The following MLLT3 variants were observed in gnomAD, a reference collection of about 807,000 sequenced individuals.
The protein encoded by MLLT3 is MLLT3 super elongation complex subunit, also known as protein AF-9.
MLLT3 carries 4 observed loss-of-function variants against 53.2 expected under a neutral mutation model. That is an observed-to-expected ratio of 0.08 (90% CI 0.04 to 0.17). The LOEUF (loss-of-function observed/expected upper bound fraction) is 0.17. Among genes scored for constraint, MLLT3 ranks in the 10% least tolerant of loss-of-function variants. The probability of loss-of-function intolerance (pLI) is 1.00; values close to 1 mark genes in which losing one functional copy is unlikely to be tolerated. For missense variants in MLLT3, 569 were observed against 684.0 expected (o/e 0.83, Z 1.87); for synonymous variants, 283 against 230.6 (o/e 1.23, Z -2.06).
At chr9:20,618,688 C>T (rs576226205) in intron 2 of MLLT3, among the ~76,000 whole-genome samples, 1 of 152,206 alleles carries the variant, frequency 6.6e-6, no homozygotes. Flanking sequence ...CAGCTTACCA[C>T]GCCTAGCAAC....
intron 2 of MLLT3, among the ~76,000 whole-genome samples, chr9:20,580,897 C>T (rs1819775184): frequency 2.0e-5 from 3 of 152,316 alleles, no homozygotes; most frequent in Admixed American, 1.3e-4. Context: ...CCTGCCTAAC[C>T]ACCTGAACAG....
At chr9:20,349,911 C>T (rs900328459) in intron 10 of MLLT3, among the ~76,000 whole-genome samples, 2 of 152,194 alleles carry the variant, frequency 1.3e-5, no homozygotes, top group Non-Finnish European at 2.9e-5. Flanking sequence ...TGCAGAGAAA[C>T]AGCCTTAAAG....
intron 2 of MLLT3, among the ~76,000 whole-genome samples, chr9:20,478,815 A>C (rs1246424499): frequency 1.3e-5 from 2 of 152,130 alleles, no homozygotes; most frequent in African/African-American, 4.8e-5. Context: ...ATGTATAAGA[A>C]ATCACCTGGA....
At chr9:20,543,437 G>C (rs1319781066) in intron 2 of MLLT3, among the ~76,000 whole-genome samples, 1 of 152,128 alleles carries the variant, frequency 6.6e-6, no homozygotes, top group African/African-American at 2.4e-5. Context: ...AGTTACAATA[G>C]TATCTTCAAA....
intron 2 of MLLT3, among the ~76,000 whole-genome samples, chr9:20,521,342 A>G: frequency 6.6e-6 from 1 of 152,116 alleles, no homozygotes; most frequent in Non-Finnish European, 1.5e-5. Flanking sequence ...AAGTGATGGG[A>G]TTACAGGCAT....
chr9:20,545,935 T>A (rs749299615), intron 2 of MLLT3, among the ~76,000 whole-genome samples: 1 of 151,850 alleles, frequency 6.6e-6, no homozygotes, highest in Admixed American at 6.6e-5. Context: ...GAAGGATCAC[T>A]TGAGCTCAAG....
intron 2 of MLLT3, among the ~76,000 whole-genome samples, chr9:20,614,857 G>C (rs1447219300): frequency 6.6e-6 from 1 of 152,110 alleles, no homozygotes; most frequent in Non-Finnish European, 1.5e-5. Context: ...GGCCAAGGTT[G>C]GTCCATGGAA....
At chr9:20,613,243 T>C (rs903553331) in intron 2 of MLLT3, among the ~76,000 whole-genome samples, 2 of 152,172 alleles carry the variant, frequency 1.3e-5, no homozygotes, top group Non-Finnish European at 2.9e-5. Flanking sequence ...ATGAATATAC[T>C]AAAAACCACA....
chr9:20,400,820 C>T (rs984245112), intron 5 of MLLT3, among the ~76,000 whole-genome samples: 11 of 151,966 alleles, frequency 7.2e-5, no homozygotes, highest in African/African-American at 2.4e-4. Context: ...TTTCATTAAA[C>T]TGCCAATTGT....
intron 5 of MLLT3, among the ~76,000 whole-genome samples, chr9:20,376,085 T>C (rs1362240260): frequency 6.6e-6 from 1 of 152,166 alleles, no homozygotes; most frequent in Non-Finnish European, 1.5e-5. Flanking sequence ...AATCCCATAA[T>C]ATCCAAGAAA....
intron 2 of MLLT3, among the ~76,000 whole-genome samples, chr9:20,563,922 T>C (rs1259767483): frequency 6.6e-6 from 1 of 152,136 alleles, no homozygotes; most frequent in Non-Finnish European, 1.5e-5. Flanking sequence ...AAGATGACTT[T>C]TAAAAATAAA....
intron 2 of MLLT3, among the ~76,000 whole-genome samples, chr9:20,489,206 T>C (rs1474535888): frequency 1.3e-5 from 2 of 152,190 alleles, no homozygotes; most frequent in African/African-American, 4.8e-5. Context: ...GTCAATGGAA[T>C]AGAAAGAATA....
At chr9:20,455,775 A>C (rs1025148690) in intron 3 of MLLT3, among the ~76,000 whole-genome samples, 2 of 152,134 alleles carry the variant, frequency 1.3e-5, no homozygotes, top group African/African-American at 4.8e-5. Flanking sequence ...ACTTTGCATA[A>C]GTTTATTTTA....
intron 2 of MLLT3, among the ~76,000 whole-genome samples, chr9:20,615,651 T>C (rs1820814132): frequency 6.6e-6 from 1 of 151,856 alleles, no homozygotes. Flanking sequence ...TCTCGGAGTG[T>C]AGAGTTAGGA....
intron 2 of MLLT3, among the ~76,000 whole-genome samples, chr9:20,544,584 T>C (rs7847550): frequency 0.2 from 29,759 of 152,084 alleles, 2,984 homozygotes; most frequent in Middle Eastern, 0.24. Flanking sequence ...CAGAAAATAA[T>C]AGGTGTTGAC....
chr9:20,614,947 TC>T (rs1370010763), intron 2 of MLLT3, among the ~76,000 whole-genome samples: 1 of 152,024 alleles, frequency 6.6e-6, no homozygotes, highest in African/African-American at 2.4e-5. Context: ...CCAAGTGATA[TC>T]CCTGCCTGGC....
chr9:20,561,162 T>A (rs73648228), intron 2 of MLLT3, among the ~76,000 whole-genome samples: 2 of 152,110 alleles, frequency 1.3e-5, no homozygotes, highest in East Asian at 3.9e-4. Context: ...CACAAGCACA[T>A]GCATTTTATT....
chr9:20,450,801 C>A (rs984329050), intron 3 of MLLT3, among the ~76,000 whole-genome samples: 2 of 152,148 alleles, frequency 1.3e-5, no homozygotes, highest in African/African-American at 4.8e-5. Context: ...ATCTGTCTAT[C>A]CTCTAAGTTA....
chr9:20,433,272 A>G (rs1199641454), intron 4 of MLLT3, among the ~76,000 whole-genome samples: 1 of 152,220 alleles, frequency 6.6e-6, no homozygotes, highest in East Asian at 1.9e-4. Flanking sequence ...ATGCAAAGAA[A>G]CCAGGTTAAA....
Sources: gnomAD v4.1 joint callset for allele counts (sites outside exome capture counted in the v4.1 genomes callset) on GRCh38, gnomAD v4.1.1 for gene constraint, MANE v1.5 for transcripts, NCBI Gene and HGNC (gene_info 2026-07-23, HGNC 2026-07-21) for gene names.